DNAAF4: variants seen among roughly 807,000 people sequenced by gnomAD.
DNAAF4 encodes the protein dynein assembly factor 4, axonemal.
In DNAAF4, 43 loss-of-function variants were observed where a neutral mutation model predicts 51.8. The ratio of observed to expected loss-of-function variants is 0.83; its 90% CI spans 0.65 to 1.07. DNAAF4 has a LOEUF of 1.07. Ranked by LOEUF, DNAAF4 falls within the 50% of genes least tolerant of loss-of-function variation. The pLI is 0.00. For missense variants in DNAAF4, 581 were observed against 493.0 expected (o/e 1.18, Z -1.69); for synonymous variants, 194 against 165.6 (o/e 1.17, Z -1.32).
intron 7 of DNAAF4, among the ~76,000 whole-genome samples, chr15:55,438,953 T>C (rs1210279962): frequency 1.3e-5 from 2 of 152,208 alleles, no homozygotes; most frequent in African/African-American, 4.8e-5. Context: ...TTCATTTTTA[T>C]GACATTTAAA....
At chr15:55,461,155 G>A (rs536055947) in intron 5 of DNAAF4, among the ~76,000 whole-genome samples, 3 of 151,310 alleles carry the variant, frequency 2.0e-5, no homozygotes, top group Admixed American at 1.3e-4. Context: ...TGCAAACTCC[G>A]CCTCCTGGGT....
At chr15:55,463,170 TCTCACACA>T (rs1274851663) in intron 5 of DNAAF4, among the ~76,000 whole-genome samples, 83 of 120,082 alleles carry the variant, frequency 6.9e-4, no homozygotes, top group Middle Eastern at 9.0e-3. Flanking sequence ...TGAGACTCTG[TCTCACACA>T]CACACACACA....
intron 6 of DNAAF4, among the ~76,000 whole-genome samples, chr15:55,441,617 A>T (rs1316008997): frequency 1.3e-5 from 2 of 148,844 alleles, no homozygotes; most frequent in Non-Finnish European, 3.0e-5. Flanking sequence ...CCTGTGTCCA[A>T]GTGTTCTCAT....
chr15:55,440,280 T>G (rs2057687198), intron 6 of DNAAF4, among the ~76,000 whole-genome samples: 1 of 148,854 alleles, frequency 6.7e-6, no homozygotes. Context: ...ATTGAACACA[T>G]GACCTCGTGA....
chr15:55,425,607 C>T (rs1054896564), downstream of DNAAF4, among the ~76,000 whole-genome samples: 2 of 151,430 alleles, frequency 1.3e-5, no homozygotes, highest in African/African-American at 4.9e-5. Flanking sequence ...TACTGTTCAA[C>T]TCTGATTTTC....
chr15:55,439,361 C>T lies in DNAAF4; in HGVS notation c.893+111G>A, dbSNP rs535056661. 6.9e-5 allele frequency: 58 copies of T among 846,600 alleles called. No homozygotes were observed. In the East Asian group the frequency reaches 7.6e-4, roughly 11 times the overall value. The allele number at this position is 846,600 out of a possible 1,614,324, so 52.4% of individuals were successfully genotyped here. The stretch of plus-strand genomic sequence containing the variant: ...CTGGCTTCAAGTTATCATCCCACCT[C>T]GGCCTCCCAAAGGGCTGGGATTACA... On this transcript the variant is annotated intron_variant, in intron 7 of 9. Coordinates refer to ENST00000321149, the MANE Select transcript of DNAAF4 (RefSeq NM_130810.4).
At chr15:55,494,973 G>A (rs1056578936) in intron 3 of DNAAF4, among the ~76,000 whole-genome samples, 2 of 152,096 alleles carry the variant, frequency 1.3e-5, no homozygotes, top group Non-Finnish European at 2.9e-5. Context: ...AGATATGACA[G>A]AGACCATATG....
intron 4 of DNAAF4, among the ~76,000 whole-genome samples, chr15:55,485,735 C>T (rs754202484): frequency 3.3e-5 from 5 of 152,162 alleles, no homozygotes; most frequent in African/African-American, 7.2e-5. Context: ...TGGCTCACGC[C>T]TGTAATCCCA....
intron 5 of DNAAF4, among the ~76,000 whole-genome samples, chr15:55,450,774 A>G (rs1399188656): frequency 6.6e-6 from 1 of 152,164 alleles, no homozygotes; most frequent in Non-Finnish European, 1.5e-5. Flanking sequence ...ATAATAGTGT[A>G]AGAGGTTTTA....
At chr15:55,456,734 C>A (rs1331371148) in intron 5 of DNAAF4, among the ~76,000 whole-genome samples, 1 of 152,164 alleles carries the variant, frequency 6.6e-6, no homozygotes, top group Admixed American at 6.5e-5. Context: ...AACATACATC[C>A]CCACTGGGGA....
In DNAAF4 at chr15:55,466,971, C is replaced by T; in HGVS notation, c.596G>A (p.Ser199Asn). The T allele has an allele frequency of 1.3e-6, 2 of 1,585,672 alleles. No individual in the cohort carries two copies. Among genetic ancestry groups the T allele is most frequent in the South Asian group, 1.2e-5 (1 of 84,160 alleles). Residue 199 changes from serine to asparagine, a missense_variant, in exon 5 of 10, where the codon AGT becomes AAT. By Grantham distance (46) the Ser-to-Asn change is conservative (BLOSUM62 1). Coordinates refer to ENST00000321149, the MANE Select transcript of DNAAF4 (RefSeq NM_130810.4). ...TCTAGATGCCAAATTTCTAGTAAGA[C>T]TCTTATATTTTATTTTTTTTCTTTC... ...KEERKKIKYK[S>N]LTRNLASRNL...
chr15:55,464,696 G>T (rs1222853502), intron 5 of DNAAF4, among the ~76,000 whole-genome samples: 1 of 152,068 alleles, frequency 6.6e-6, no homozygotes, highest in African/African-American at 2.4e-5. Flanking sequence ...CGCCAGGTGT[G>T]GTGGCTCATG....
chr15:55,470,136 C>A (rs575403895), intron 4 of DNAAF4, among the ~76,000 whole-genome samples: 2 of 152,094 alleles, frequency 1.3e-5, no homozygotes, highest in African/African-American at 4.8e-5. Context: ...ACTGCAACCT[C>A]CGCCTCCCAG....
chr15:55,492,125 G>A (rs2058582752), intron 3 of DNAAF4, among the ~76,000 whole-genome samples: 1 of 151,968 alleles, frequency 6.6e-6, no homozygotes, highest in African/African-American at 2.4e-5. Flanking sequence ...CCAAAGTGCT[G>A]GAATTACAGG....
intron 4 of DNAAF4, among the ~76,000 whole-genome samples, chr15:55,476,912 T>C (rs1009273394): frequency 6.6e-6 from 1 of 152,198 alleles, no homozygotes; most frequent in African/African-American, 2.4e-5. Context: ...GGCTCACGCC[T>C]GTAATCCCCG....
downstream of DNAAF4, among the ~76,000 whole-genome samples, chr15:55,429,879 G>C (rs989073404): frequency 1.3e-5 from 2 of 151,570 alleles, no homozygotes; most frequent in Non-Finnish European, 1.5e-5. Flanking sequence ...ACAAGCAAAA[G>C]GGAAGCTGTG....
chr15:55,418,941 G>GTTTTTT (rs1243882949), intron 7 of DNAAF4, among the ~76,000 whole-genome samples: 2 of 136,024 alleles, frequency 1.5e-5, no homozygotes, highest in Non-Finnish European at 3.1e-5. Context: ...TTTTTTTTGA[G>GTTTTTT]TGAGTTGGAG....
At position 55,430,752 on chromosome 15, in the gene DNAAF4, T is replaced by G. The variant is rs1294841195; in HGVS notation, c.1181A>C (p.Lys394Thr). The change falls in exon 10 of 10, where the codon AAG (lysine) becomes ACG (threonine). Residue 394 changes from lysine to threonine, a missense_variant. Transcript: ENST00000321149. ...EGLQDYEAALKIDPSNKIVQI... is the reference protein window; with the variant it reads ...EGLQDYEAALTIDPSNKIVQI... The stretch of plus-strand genomic sequence containing the variant: ...TACAATTTTGTTGGATGGATCAATC[T>G]TAAGTGCCGCTTCATAATCCTGTAG... 1 of 1,613,418 alleles carries G rather than the reference T, an allele frequency of 6.2e-7. No individual in the cohort carries two copies. The highest frequency in any genetic ancestry group is 8.5e-7 in the Non-Finnish European group (1 of 1,179,614).
At chr15:55,477,372 AT>A (rs577105685) in intron 4 of DNAAF4, among the ~76,000 whole-genome samples, 2 of 152,078 alleles carry the variant, frequency 1.3e-5, no homozygotes, top group African/African-American at 4.8e-5. Flanking sequence ...AAAACCTAAG[AT>A]TTTTTAAGAA....
Sources: allele counts gnomAD v4.1 joint callset (sites outside exome capture counted in the v4.1 genomes callset), GRCh38; gene constraint gnomAD v4.1.1; transcripts MANE v1.5; gene names NCBI Gene and HGNC (gene_info 2026-07-23, HGNC 2026-07-21).